The following CDH7 variants were observed in gnomAD, a reference collection of about 807,000 sequenced individuals.
The protein encoded by CDH7 is cadherin 7.
A neutral mutation model predicts 71.8 loss-of-function variants in CDH7; 25 were observed. That is an observed-to-expected ratio of 0.35 (90% CI 0.25 to 0.49). The LOEUF (loss-of-function observed/expected upper bound fraction) is 0.49, where lower values mean the gene tolerates loss of function less well. CDH7 is among the 20% of genes least tolerant of loss of function. The pLI is 0.99. For synonymous variants in CDH7, 381 were observed against 363.8 expected (o/e 1.05, Z -0.54); for missense variants, 862 against 974.6 (o/e 0.88, Z 1.54).
chr18:65,823,162 G>T (rs11151218), intron 5 of CDH7, among the ~76,000 whole-genome samples: 145,936 of 151,874 alleles, frequency 0.96, 70,377 homozygotes, highest in East Asian at 1. Flanking sequence ...AATGACTGCT[G>T]CTTTAAAATT....
At chr18:65,851,339 T>G (rs996433194) in intron 7 of CDH7, among the ~76,000 whole-genome samples, 1 of 152,216 alleles carries the variant, frequency 6.6e-6, no homozygotes, top group East Asian at 1.9e-4. Flanking sequence ...ATTATTCATC[T>G]ATTTCAATTG....
chr18:65,767,484 A>G (rs1275937105), intron 2 of CDH7, among the ~76,000 whole-genome samples: 1 of 152,210 alleles, frequency 6.6e-6, no homozygotes, highest in Non-Finnish European at 1.5e-5. Flanking sequence ...CATAGTCATC[A>G]TAGCAAAATC....
At chr18:65,830,337 A>G (rs1912292079) in intron 6 of CDH7, among the ~76,000 whole-genome samples, 1 of 152,196 alleles carries the variant, frequency 6.6e-6, no homozygotes, top group African/African-American at 2.4e-5. Flanking sequence ...GCAGCTCAAT[A>G]AAATATGAGT....
At chr18:65,778,327 A>G (rs1161798431) in intron 2 of CDH7, among the ~76,000 whole-genome samples, 1 of 150,940 alleles carries the variant, frequency 6.6e-6, no homozygotes, top group Non-Finnish European at 1.5e-5. Flanking sequence ...ACTCAAAAGC[A>G]TGTAACCCTG....
chr18:65,857,143 A>G (rs570182315), intron 7 of CDH7, among the ~76,000 whole-genome samples: 8 of 151,858 alleles, frequency 5.3e-5, no homozygotes, highest in South Asian at 2.1e-4. Context: ...AATCGTGACC[A>G]GGGTTACCAA....
At chr18:65,837,656 CA>C (rs1310292033) in intron 6 of CDH7, among the ~76,000 whole-genome samples, 20 of 152,150 alleles carry the variant, frequency 1.3e-4, no homozygotes, top group Admixed American at 3.3e-4. Flanking sequence ...AAAGAGAGGT[CA>C]GGGGCCTAAA....
intron 2 of CDH7, among the ~76,000 whole-genome samples, chr18:65,785,595 G>C (rs562272813): frequency 2.0e-5 from 3 of 148,644 alleles, no homozygotes; most frequent in Admixed American, 2.0e-4. Flanking sequence ...TAAAATCTTT[G>C]AAAAAAAAGA....
At chr18:65,863,937 T>C (rs1209249934) in intron 11 of CDH7, 1 of 152,172 alleles carries the variant, frequency 6.6e-6, no homozygotes, top group Non-Finnish European at 1.5e-5. Flanking sequence ...AGAGTAAACA[T>C]TCAATATACC....
intron 2 of CDH7, among the ~76,000 whole-genome samples, chr18:65,763,436 G>A (rs1203545534): frequency 6.6e-6 from 1 of 151,974 alleles, no homozygotes; most frequent in Non-Finnish European, 1.5e-5. Context: ...CTGCTTTTGG[G>A]GTATTATTAA....
At chr18:65,876,006 G>A (rs976691813) in intron 11 of CDH7, among the ~76,000 whole-genome samples, 8 of 152,074 alleles carry the variant, frequency 5.3e-5, no homozygotes, top group African/African-American at 1.4e-4. Flanking sequence ...AAAATAGTTC[G>A]CAGTAGGGTG....
intron 6 of CDH7, among the ~76,000 whole-genome samples, chr18:65,842,222 T>G (rs1050877101): frequency 2.6e-5 from 4 of 152,044 alleles, no homozygotes; most frequent in African/African-American, 9.7e-5. Context: ...AAGAATTTAT[T>G]GAGACTCCCC....
In CDH7 at chr18:65,762,977, C is replaced by T; in HGVS notation, c.135C>T (p.Thr45=). The change falls in exon 2 of 12, where the codon ACC becomes ACT. Residue 45 remains threonine, a synonymous_variant. Coordinates refer to ENST00000397968, the MANE Select transcript of CDH7 (RefSeq NM_004361.5). ...KPYFQSGRSR[T]KRSWVWNQFF... The stretch of plus-strand genomic sequence containing the variant: ...ATTTCCAATCAGGGAGGTCCCGGAC[C>T]AAGCGCAGCTGGGTGTGGAATCAGT... 6.2e-7 allele frequency: 1 copy of T among 1,613,656 alleles called. No individual in the cohort carries two copies.
chr18:65,824,681 A>T lies in CDH7; in HGVS notation c.831A>T (p.Val277=), dbSNP rs550054180. The part of the protein sequence containing the change: ...YQYNVPESLP[V]ASVVARIKAA... The stretch of plus-strand genomic sequence containing the variant: ...ATAACGTCCCAGAGTCATTACCTGT[A>T]GCCTCAGTTGTGGCCAGAATTAAAG... Residue 277 remains valine (V), a synonymous_variant, in exon 6 of 12, where the codon GTA becomes GTT. Coordinates refer to ENST00000397968, the MANE Select transcript of CDH7 (RefSeq NM_004361.5). 6.2e-7 allele frequency: 1 copy of T among 1,611,254 alleles called. No individual in the cohort carries two copies. The highest frequency in any genetic ancestry group is 1.7e-5 in the Admixed American group (1 of 59,886).
chr18:65,810,025 A>G, intron 3 of CDH7, 27 bp downstream of exon 3: 1 of 1,579,874 alleles, frequency 6.3e-7, no homozygotes. Flanking sequence ...CTGCTTTTGT[A>G]GCTTGTGGCC....
chr18:65,788,947 G>A (rs771003207), intron 2 of CDH7, among the ~76,000 whole-genome samples: 1 of 151,936 alleles, frequency 6.6e-6, no homozygotes, highest in Non-Finnish European at 1.5e-5. Context: ...AGTCTATAAT[G>A]GTCCTATACA....
intron 6 of CDH7, 98 bp downstream of exon 6, chr18:65,824,929 C>A: frequency 1.4e-6 from 1 of 705,448 alleles, no homozygotes; most frequent in Non-Finnish European, 2.2e-6. Context: ...CCATATGGGA[C>A]CATTACTATT....
At chr18:65,823,114 C>G (rs11151217) in intron 5 of CDH7, among the ~76,000 whole-genome samples, 1 of 151,726 alleles carries the variant, frequency 6.6e-6, no homozygotes, top group Admixed American at 6.6e-5. Flanking sequence ...AAAAACGAAC[C>G]TTTCTGAGCA....
At chr18:65,866,867 A>G (rs926332367) in intron 11 of CDH7, among the ~76,000 whole-genome samples, 3 of 152,056 alleles carry the variant, frequency 2.0e-5, no homozygotes, top group Non-Finnish European at 4.4e-5. Flanking sequence ...TGAAAAAAAA[A>G]TCCAAAAATT....
chr18:65,865,542 A>G (rs1245044140), intron 11 of CDH7: 4 of 152,132 alleles, frequency 2.6e-5, no homozygotes, highest in African/African-American at 7.2e-5. Context: ...ACTGAAATAC[A>G]ATTTGGAACA....
Sources: allele counts gnomAD v4.1 joint callset (sites outside exome capture counted in the v4.1 genomes callset), GRCh38; gene constraint gnomAD v4.1.1; transcripts MANE v1.5; gene names NCBI Gene and HGNC (gene_info 2026-07-23, HGNC 2026-07-21).